Variants in MAP3K11 observed in about 807,000 individuals in gnomAD.
The protein encoded by MAP3K11 is mitogen-activated protein kinase kinase kinase 11.
A neutral mutation model predicts 84.9 loss-of-function variants in MAP3K11; 46 were observed. The observed-to-expected ratio is 0.54, with a 90% CI of 0.43 to 0.69. The LOEUF (loss-of-function observed/expected upper bound fraction) is 0.69. Among genes scored for constraint, MAP3K11 ranks in the 30% least tolerant of loss-of-function variants. The pLI is 0.00. For missense variants in MAP3K11, 1,053 were observed against 1,198.3 expected, an observed-to-expected ratio of 0.88 and a Z score of 1.79; for synonymous variants, 527 against 514.7, an observed-to-expected ratio of 1.02 and a Z score of -0.32.
In MAP3K11 at chr11:65,599,475, G is replaced by A. The variant is rs1354278764; in HGVS notation, c.2125C>T (p.Pro709Ser). ...CCCAGGTCCAGCAACAGGGGTGCAG[G>A]AGTGGGCGGGGAGTCGGGCGTCTTG... ...SLKTPDSPPT[P>S]APLLLDLGIP... The change falls in exon 9 of 10, where the codon CCT (proline) becomes TCT (serine). Residue 709 changes from proline to serine, a missense_variant. Transcript: ENST00000309100. 15 of 1,508,516 alleles carry A rather than the reference G, an allele frequency of 9.9e-6. No homozygotes were observed. The highest frequency in any genetic ancestry group is 1.1e-5 in the Non-Finnish European group (13 of 1,136,642). 93.4% of individuals were successfully genotyped at this position (1,508,516 alleles called of 1,614,324 possible).
At position 65,605,652 on chromosome 11, in the gene MAP3K11, G is replaced by C. The variant is rs893902850; in HGVS notation, c.1831+109C>G. 7.5e-5 allele frequency: 56 copies of C among 748,246 alleles called. No homozygotes were observed. The East Asian group carries it at 1.5e-3, about 21-fold the overall frequency. The allele number at this position is 748,246 out of a possible 1,614,324, so 46.4% of individuals were successfully genotyped here. A position where few individuals can be genotyped will look rare whatever the true frequency, so the allele number is the denominator to read the frequency against. On this transcript the variant is annotated intron_variant, in intron 8 of 9. Coordinates refer to ENST00000309100, the MANE Select transcript of MAP3K11 (RefSeq NM_002419.4). ...CTTGGTTTCCTAGTCTCTAGAATGAGAGCAACCAGGGCAGGACTCCTGCTT... is the reference window on the plus strand; with the variant it reads ...CTTGGTTTCCTAGTCTCTAGAATGACAGCAACCAGGGCAGGACTCCTGCTT...
intron 4 of MAP3K11, 22 bp from the exon 5 acceptor site, chr11:65,607,535 T>G: frequency 6.4e-7 from 1 of 1,553,210 alleles, no homozygotes; most frequent in Non-Finnish European, 8.6e-7. Flanking sequence ...ACAGCGATGG[T>G]GGAGAGGTCA....
At position 65,614,194 on chromosome 11, in the gene MAP3K11, C is replaced by A. The variant is rs990784426; in HGVS notation, c.-438G>T. 1 of 171,264 alleles carries A rather than the reference C, an allele frequency of 5.8e-6. No individual in the cohort carries two copies. Among genetic ancestry groups the A allele is most frequent in the African/African-American group, 2.4e-5 (1 of 42,004 alleles). The allele number at this position is 171,264 out of a possible 1,614,324, so 10.6% of individuals were successfully genotyped here. On this transcript the variant is annotated 5_prime_UTR_variant, in exon 1 of 10. Coordinates refer to ENST00000309100, the MANE Select transcript of MAP3K11 (RefSeq NM_002419.4). ...GGCCGAGACTGCCTGTTCCTGGCCC[C>A]GTCTCCTTTGGCCCCGACGGCTCCG...
chr11:65,600,110 C>T (rs1590853483), intron 8 of MAP3K11, among the ~76,000 whole-genome samples: 1 of 152,228 alleles, frequency 6.6e-6, no homozygotes, highest in South Asian at 2.1e-4. Flanking sequence ...CCTCCAGGCC[C>T]AGGGGCATGG....
At chr11:65,602,919 A>G (rs1027685814) in intron 8 of MAP3K11, among the ~76,000 whole-genome samples, 2 of 152,246 alleles carry the variant, frequency 1.3e-5, no homozygotes, top group African/African-American at 4.8e-5. Flanking sequence ...CAGCCTGGGC[A>G]ACATGGCAAA....
intron 9 of MAP3K11, 151 bp downstream of exon 9, chr11:65,599,243 T>C (rs916859630): frequency 1.1e-6 from 1 of 923,754 alleles, no homozygotes; most frequent in East Asian, 3.3e-5. Flanking sequence ...GCTCCCTACA[T>C]GCGTCTTCAG....
At position 65,605,878 on chromosome 11, in the gene MAP3K11, T is replaced by G. The variant is rs565672149; in HGVS notation, c.1740-26A>C. On this transcript the variant is annotated intron_variant, in intron 7 of 9. Transcript: ENST00000309100. Reference sequence around the variant, plus strand: ...CTGGTGATGGGAGGGCAAGGAGGGGTGCTTTAGGAATTTCAGGACTTGGGG... The same window carrying G: ...CTGGTGATGGGAGGGCAAGGAGGGGGGCTTTAGGAATTTCAGGACTTGGGG... 6.2e-6 allele frequency: 10 copies of G among 1,611,860 alleles called. No homozygotes were observed. The South Asian group carries it at 1.1e-4, about 18-fold the overall frequency.
Position 65,607,472 on chromosome 11 carries a change from G to T in MAP3K11, c.1287C>A (p.Arg429=), listed in dbSNP as rs1327436861. 6.4e-7 allele frequency: 1 copy of T among 1,562,750 alleles called. No homozygotes were observed. Among genetic ancestry groups the T allele is most frequent in the Admixed American group, 1.9e-5 (1 of 53,368 alleles). The change falls in exon 5 of 10, where the codon CGC becomes CGA. Residue 429 remains arginine, a synonymous_variant. Transcript: ENST00000309100. Reference sequence around the variant, plus strand: ...GCTGCTCCGCCTGTGACCGCTGCTCGCGCGCCGCTCGCGTCAGCTCCTCCT... The same window carrying T: ...GCTGCTCCGCCTGTGACCGCTGCTCTCGCGCCGCTCGCGTCAGCTCCTCCT... ...SREEELTRAA[R]EQRSQAEQLR...
In MAP3K11 at chr11:65,598,437, G is replaced by A. The variant is rs1433123930; in HGVS notation, c.2398C>T (p.Arg800Ter). The A allele has an allele frequency of 8.1e-6, 13 of 1,607,854 alleles. No homozygotes were observed. The highest frequency in any genetic ancestry group is 1.7e-4 in the Middle Eastern group (1 of 6,056). ...TCCGGGAACAAGGTCCAGGGTGCTC[G>A]GCGGGGTGCAGGCTGTGGTGATGGC... ...PLPSPQPAPR[R>*]APWTLFPDSD... is the part of the protein sequence containing the mutation. The change falls in exon 10 of 10, where the codon CGA (arginine) becomes TGA (stop). Residue 800 changes from arginine (R) to a stop codon, truncating the protein, a stop_gained. Transcript: ENST00000309100. LOFTEE classifies it high-confidence loss of function.
At chr11:65,605,883 T>G (rs777987684) in intron 7 of MAP3K11, 31 bp from the exon 8 acceptor site, 2 of 1,612,534 alleles carry the variant, frequency 1.2e-6, no homozygotes, top group Non-Finnish European at 1.7e-6. Context: ...AGGGGTGCTT[T>G]AGGAATTTCA....
At chr11:65,607,149 T>G (rs1168879734) in intron 5 of MAP3K11, 121 bp downstream of exon 5, 1 of 1,292,320 alleles carries the variant, frequency 7.7e-7, no homozygotes, top group Admixed American at 3.8e-5. Flanking sequence ...CCTCCCAGCC[T>G]TCATCTCACG....
rs763449769 is a variant in MAP3K11, at chr11:65,605,768, T to C, written c.1824A>G (p.Ala608=). ...GGGAGGAAGGCCACTCACCATTGAG[T>C]GCTGGGGGTGTGGAAGGAGATCCTA... ...SPLGSPSTPP[A]LNGNPPRPSL... The change falls in exon 8 of 10, where the codon GCA becomes GCG. Residue 608 remains alanine, a synonymous_variant. Transcript: ENST00000309100. 6 of 1,607,838 alleles carry C rather than the reference T, an allele frequency of 3.7e-6. No homozygotes were observed. The South Asian group carries it at 6.6e-5, about 18-fold the overall frequency.
rs553107892 is a variant in MAP3K11, at chr11:65,599,903, A to G, written c.1832-135T>C. The G allele has an allele frequency of 4.4e-5, 41 of 933,610 alleles. No individual in the cohort carries two copies. In the African/African-American group the frequency reaches 6.0e-4, roughly 14 times the overall value. 57.8% of individuals were successfully genotyped at this position (933,610 alleles called of 1,614,324 possible). A position where few individuals can be genotyped will look rare whatever the true frequency, so the allele number is the denominator to read the frequency against. ...CATCTTCCCTGGTCCCACAGGTCCC[A>G]TGGCCTCCCCATCACATACCCACAT... is the stretch of plus-strand genomic sequence containing the variant. On this transcript the variant is annotated intron_variant, in intron 8 of 9. Transcript: ENST00000309100.
At chr11:65,604,037 G>A (rs569182520) in intron 8 of MAP3K11, among the ~76,000 whole-genome samples, 4 of 152,374 alleles carry the variant, frequency 2.6e-5, no homozygotes, top group South Asian at 2.1e-4. Context: ...GAAATACTTC[G>A]AGGAGATGAG....
chr11:65,603,877 CT>C (rs1854480696), intron 8 of MAP3K11, among the ~76,000 whole-genome samples: 1 of 152,248 alleles, frequency 6.6e-6, no homozygotes, highest in Non-Finnish European at 1.5e-5. Flanking sequence ...GACATGTGGC[CT>C]TCTGGCCACA....
chr11:65,607,231 C>A, intron 5 of MAP3K11, 39 bp downstream of exon 5: 1 of 1,449,098 alleles, frequency 6.9e-7, no homozygotes, highest in South Asian at 1.4e-5. Flanking sequence ...CCCACCCCCG[C>A]AGCCAATGGC....
Position 65,608,375 on chromosome 11 carries a change from G to A in MAP3K11, c.813C>T (p.Ala271=), listed in dbSNP as rs763559569. 2 of 1,614,098 alleles carry A rather than the reference G, an allele frequency of 1.2e-6. No individual in the cohort carries two copies. The highest frequency in any genetic ancestry group is 4.5e-5 in the East Asian group (2 of 44,890). ...TTTGTGTGGTTTTGTGCCACTCTCG[G>A]GCCAGGCCAAAGTCGGTGATCTTCA... ...KTLKITDFGL[A]REWHKTTQMS... The change falls in exon 2 of 10, where the codon GCC becomes GCT. Residue 271 remains alanine (A), a synonymous_variant. Transcript: ENST00000309100.
chr11:65,612,833 A>G (rs1280538797), intron 1 of MAP3K11, 185 bp downstream of exon 1: 8 of 529,378 alleles, frequency 1.5e-5, no homozygotes, highest in African/African-American at 2.0e-5. Context: ...GCGCAGGAAG[A>G]CTCTGCTGGG....
chr11:65,603,220 G>T (rs1352396435), intron 8 of MAP3K11, among the ~76,000 whole-genome samples: 1 of 152,252 alleles, frequency 6.6e-6, no homozygotes, highest in Non-Finnish European at 1.5e-5. Flanking sequence ...GTTCTGAAGG[G>T]TAAGGGACTT....
Sources: gnomAD v4.1 joint callset for allele counts (sites outside exome capture counted in the v4.1 genomes callset) on GRCh38, gnomAD v4.1.1 for gene constraint, MANE v1.5 for transcripts, NCBI Gene and HGNC (gene_info 2026-07-23, HGNC 2026-07-21) for gene names.